The following ABHD11 variants were observed in gnomAD, a reference collection of about 807,000 sequenced individuals.
ABHD11 encodes abhydrolase domain containing 11.
In ABHD11, 26 loss-of-function variants were observed where a neutral mutation model predicts 29.0. The observed-to-expected ratio is 0.90, with a 90% CI of 0.66 to 1.24. The LOEUF (loss-of-function observed/expected upper bound fraction) is 1.24, where lower values mean the gene tolerates loss of function less well. Ranked by LOEUF, ABHD11 falls within the 50% of genes most tolerant of loss-of-function variation. ABHD11 has a pLI of 0.00. For synonymous variants in ABHD11, 169 were observed against 166.4 expected, an observed-to-expected ratio of 1.02 and a Z score of -0.12; for missense variants, 381 against 422.4, an observed-to-expected ratio of 0.90 and a Z score of 0.86.
At position 73,738,783 on chromosome 7, in the gene ABHD11, T is replaced by A. The variant is rs1800271720; in HGVS notation, c.-13A>T. On this transcript the variant is annotated 5_prime_UTR_variant, in exon 1 of 6. Coordinates refer to ENST00000222800, the MANE Select transcript of ABHD11 (RefSeq NM_148912.4). The stretch of plus-strand genomic sequence containing the variant: ...TCCAGCGGAGCATGCTTGCAAGCTG[T>A]TGGCCGGCTCGCATCTCACAAGGTA... 2 of 1,597,134 alleles carry A rather than the reference T, an allele frequency of 1.3e-6. No individual in the cohort carries two copies. Among genetic ancestry groups the A allele is most frequent in the African/African-American group, 1.3e-5 (1 of 74,230 alleles).
At position 73,737,309 on chromosome 7, in the gene ABHD11, G is replaced by GCAACCTC. The variant is rs1800001386; in HGVS notation, c.517_518insGAGGTTG (p.Ala173GlyfsTer13). 1.2e-6 allele frequency: 2 copies of GCAACCTC among 1,614,104 alleles called. No individual in the cohort carries two copies. Among genetic ancestry groups the GCAACCTC allele is most frequent in the East Asian group, 4.5e-5 (2 of 44,886 alleles). ...TGCGATGTTGATGGCCCTCATGGCTGCCACATAGGTTGCAAAGTGGGAGAC... is the reference window on the plus strand; with the variant it reads ...TGCGATGTTGATGGCCCTCATGGCTGCAACCTCCCACATAGGTTGCAAAGTGGGAGAC... On this transcript the variant is annotated frameshift_variant, in exon 4 of 6. Transcript: ENST00000222800. LOFTEE classifies it high-confidence loss of function.
Position 73,736,603 on chromosome 7 carries a change from G to A in ABHD11, c.877C>T (p.Arg293Cys), listed in dbSNP as rs371737955. 6.2e-5 allele frequency: 100 copies of A among 1,613,928 alleles called. No homozygotes were observed. Among genetic ancestry groups the A allele is most frequent in the Non-Finnish European group, 7.9e-5 (93 of 1,180,030 alleles). ...ATGGCAGCTATGAAGTCCTGTGGGC[G>A]GTCAGCGTGGATCCAGTGGCCAGCG... ...PNAGHWIHAD[R>C]PQDFIAAIRG... Residue 293 changes from arginine to cysteine, a missense_variant, in exon 6 of 6, where the codon CGC becomes TGC. Coordinates refer to ENST00000222800, the MANE Select transcript of ABHD11 (RefSeq NM_148912.4).
rs1007002367 is a variant in ABHD11, at chr7:73,737,084, G to A, written c.633C>T (p.Leu211=). 3 of 1,613,982 alleles carry A rather than the reference G, an allele frequency of 1.9e-6. No individual in the cohort carries two copies. Among genetic ancestry groups the A allele is most frequent in the African/African-American group, 2.7e-5 (2 of 74,940 alleles). The stretch of plus-strand genomic sequence containing the variant: ...GCCCGTCTACCTCTACCAGGTTAGT[G>A]AGCAGGTGCTGCCGCACGGCCATGT... ...IQDMAVRQHL[L]TNLVEVDGRF... Residue 211 remains leucine (L), a synonymous_variant, in exon 5 of 6, where the codon CTC becomes CTT. Transcript: ENST00000222800.
At position 73,736,553 on chromosome 7, in the gene ABHD11, C is replaced by G. The variant is rs1554621732; in HGVS notation, c.*6G>C. ...CCACGCCCGGCCATCTTCTTGCCAGCAACTCTTAGACCAGGAAGCCTCGGA... is the reference window on the plus strand; with the variant it reads ...CCACGCCCGGCCATCTTCTTGCCAGGAACTCTTAGACCAGGAAGCCTCGGA... On this transcript the variant is annotated 3_prime_UTR_variant, in exon 6 of 6. Coordinates refer to ENST00000222800, the MANE Select transcript of ABHD11 (RefSeq NM_148912.4). 6.2e-7 allele frequency: 1 copy of G among 1,613,582 alleles called. No homozygotes were observed. Among genetic ancestry groups the G allele is most frequent in the Non-Finnish European group, 8.5e-7 (1 of 1,179,916 alleles).
Position 73,737,366 on chromosome 7 carries a change from G to A in ABHD11, c.461C>T (p.Ala154Val). The change falls in exon 4 of 6, where the codon GCT (alanine) becomes GTT (valine). Residue 154 changes from alanine (A) to valine (V), a missense_variant. Ala to Val is a moderately conservative substitution (Grantham distance 64, BLOSUM62 0). Coordinates refer to ENST00000222800, the MANE Select transcript of ABHD11 (RefSeq NM_148912.4). ...GCTTTCCACTGGGCTGATATCTACA[G>A]CAATGAGACGTTCCACCAGCTCTGG... is the stretch of plus-strand genomic sequence containing the variant. ...QRPELVERLI[A>V]VDISPVESTG... is the part of the protein sequence containing the mutation. 1 of 1,613,130 alleles carries A rather than the reference G, an allele frequency of 6.2e-7. No homozygotes were observed. Among genetic ancestry groups the A allele is most frequent in the Non-Finnish European group, 8.5e-7 (1 of 1,179,480 alleles).
At chr7:73,738,582 C>A in intron 1 of ABHD11, 64 bp downstream of exon 1, 1 of 1,564,330 alleles carries the variant, frequency 6.4e-7, no homozygotes, top group South Asian at 1.2e-5. Flanking sequence ...GGAGATGGGG[C>A]CGTCGGGGCC....
intron 2 of ABHD11, 54 bp downstream of exon 2, chr7:73,738,274 G>GCCCCCCCCCCACCCCCC: frequency 7.4e-7 from 1 of 1,357,198 alleles, no homozygotes; most frequent in Non-Finnish European, 1.0e-6. Flanking sequence ...CTCCTCTCAG[G>GCCCCCCCCCCACCCCCC]CCCCGCCCAC....
rs782462181 is a variant in ABHD11 at position 73,738,787 on chromosome 7, C to G, written c.-17G>C. The G allele has an allele frequency of 1.3e-5, 20 of 1,594,568 alleles. No individual in the cohort carries two copies. In the East Asian group the frequency reaches 4.5e-4, roughly 36 times the overall value. ...GCGGAGCATGCTTGCAAGCTGTTGG[C>G]CGGCTCGCATCTCACAAGGTACGTC... On this transcript the variant is annotated 5_prime_UTR_variant, in exon 1 of 6. Transcript: ENST00000222800.
At chr7:73,738,283 A>AG in intron 2 of ABHD11, 45 bp downstream of exon 2, 6 of 793,996 alleles carry the variant, frequency 7.6e-6, no homozygotes, top group African/African-American at 1.9e-5. Context: ...GGCCCCGCCC[A>AG]CTCCCGCCCA....
intron 3 of ABHD11, 31 bp downstream of exon 3, chr7:73,737,531 T>C (rs1271890870): frequency 6.3e-7 from 1 of 1,575,596 alleles, no homozygotes; most frequent in East Asian, 2.2e-5. Context: ...ATATACTGAA[T>C]GGGAGGAGGC....
At chr7:73,737,807 G>A in intron 2 of ABHD11, 72 bp from the exon 3 acceptor site, 1 of 1,546,332 alleles carries the variant, frequency 6.5e-7, no homozygotes, top group South Asian at 1.2e-5. Context: ...GGCTTGTAGG[G>A]ACAGCAGGTC....
intron 3 of ABHD11, 55 bp downstream of exon 3, chr7:73,737,507 A>C: frequency 6.4e-7 from 1 of 1,559,092 alleles, no homozygotes; most frequent in Non-Finnish European, 8.7e-7. Flanking sequence ...GGTTGCCTGC[A>C]GGGCCCTCAG....
chr7:73,737,270 C>CGG lies in ABHD11; in HGVS notation c.555_556dup (p.Arg186ProfsTer31). 1 of 1,614,096 alleles carries CGG rather than the reference C, an allele frequency of 6.2e-7. No homozygotes were observed. Among genetic ancestry groups the CGG allele is most frequent in the East Asian group, 2.2e-5 (1 of 44,882 alleles). On this transcript the variant is annotated frameshift_variant, in exon 4 of 6. Coordinates refer to ENST00000222800, the MANE Select transcript of ABHD11 (RefSeq NM_148912.4). LOFTEE classifies it high-confidence loss of function. Reference sequence around the variant, plus strand: ...ATCCGCCAGTTTTCGGGCACGGGAGCGGGGCAGCTCATCTGCGATGTTGAT... The same window carrying CGG: ...ATCCGCCAGTTTTCGGGCACGGGAGCGGGGGGCAGCTCATCTGCGATGTTGAT...
rs1554621751 is a variant in ABHD11, at chr7:73,736,571, G to A, written c.909C>T (p.Gly303=). ...RPQDFIAAIR[G]FLV ...TTGCCAGCAACTCTTAGACCAGGAAGCCTCGGATGGCAGCTATGAAGTCCT... is the reference window on the plus strand; with the variant it reads ...TTGCCAGCAACTCTTAGACCAGGAAACCTCGGATGGCAGCTATGAAGTCCT... Residue 303 remains glycine (G), a synonymous_variant, in exon 6 of 6, where the codon GGC becomes GGT. Transcript: ENST00000222800. The A allele has an allele frequency of 6.2e-7, 1 of 1,613,788 alleles. No individual in the cohort carries two copies. Among genetic ancestry groups the A allele is most frequent in the African/African-American group, 1.3e-5 (1 of 74,908 alleles).
At position 73,737,704 on chromosome 7, in the gene ABHD11, T is replaced by C; in HGVS notation, c.293A>G (p.Asp98Gly). The change falls in exon 3 of 6, where the codon GAC (aspartate) becomes GGC (glycine). Residue 98 changes from aspartate to glycine, a missense_variant. Physicochemically the swap from Asp to Gly is moderately conservative, Grantham distance 94. Coordinates refer to ENST00000222800, the MANE Select transcript of ABHD11 (RefSeq NM_148912.4). ...VLTVDARNHG[D>G]SPHSPDMSYE... The stretch of plus-strand genomic sequence containing the variant: ...GCTCATGTCTGGGCTGTGGGGGCTG[T>C]CACCGTGGTTACGAGCATCCACCGT... 6.2e-7 allele frequency: 1 copy of C among 1,613,430 alleles called. No individual in the cohort carries two copies. Among genetic ancestry groups the C allele is most frequent in the East Asian group, 2.2e-5 (1 of 44,880 alleles).
At position 73,738,715 on chromosome 7, in the gene ABHD11, C is replaced by T. The variant is rs782738208; in HGVS notation, c.56G>A (p.Gly19Asp). The T allele has an allele frequency of 6.2e-7, 1 of 1,607,706 alleles. No homozygotes were observed. The change falls in exon 1 of 6, where the codon GGC becomes GAC. Residue 19 changes from glycine (G) to aspartate (D), a missense_variant. Transcript: ENST00000222800. ...GACAGGCACCCTCGCGAAGCTAGGG[C>T]CGTGGGGGCCGAGTCCCTCACGCGG... is the stretch of plus-strand genomic sequence containing the variant. ...RLPREGLGPH[G>D]PSFARVPVAP... is the part of the protein sequence containing the mutation.
chr7:73,736,738 A>G, intron 5 of ABHD11, 47 bp from the exon 6 acceptor site: 1 of 1,611,420 alleles, frequency 6.2e-7, no homozygotes, highest in Non-Finnish European at 8.5e-7. Flanking sequence ...AAGTGGGATG[A>G]GGAGGAGTGA....
At chr7:73,736,790 T>A in intron 5 of ABHD11, 99 bp from the exon 6 acceptor site, 2 of 1,590,214 alleles carry the variant, frequency 1.3e-6, no homozygotes, top group South Asian at 1.1e-5. Context: ...TGGAGAGAGC[T>A]GTGTGAGCCC....
rs1554622276 is a variant in ABHD11, at chr7:73,737,370, T to C, written c.457A>G (p.Ile153Val). Reference protein sequence around the residue: ...LQRPELVERLIAVDISPVEST... With the variant: ...LQRPELVERLVAVDISPVEST... ...TCCACTGGGCTGATATCTACAGCAA[T>C]GAGACGTTCCACCAGCTCTGGCTGT... The change falls in exon 4 of 6, where the codon ATT becomes GTT. Residue 153 changes from isoleucine to valine, a missense_variant. By Grantham distance (29) the Ile-to-Val change is conservative. Coordinates refer to ENST00000222800, the MANE Select transcript of ABHD11 (RefSeq NM_148912.4). 3.7e-6 allele frequency: 6 copies of C among 1,613,088 alleles called. No homozygotes were observed. Among genetic ancestry groups the C allele is most frequent in the South Asian group, 1.1e-5 (1 of 91,080 alleles).
Sources: allele counts gnomAD v4.1 joint callset, GRCh38; gene constraint gnomAD v4.1.1; transcripts MANE v1.5; gene names NCBI Gene and HGNC (gene_info 2026-07-23, HGNC 2026-07-21).